Variants in AUTS2 observed in about 807,000 individuals in gnomAD.
AUTS2 encodes activator of transcription and developmental regulator AUTS2.
In AUTS2, 17 loss-of-function variants were observed where a neutral mutation model predicts 112.4. The ratio of observed to expected loss-of-function variants is 0.15; its 90% CI spans 0.10 to 0.23. The LOEUF (loss-of-function observed/expected upper bound fraction) is 0.23, where lower values mean the gene tolerates loss of function less well. Among genes scored for constraint, AUTS2 ranks in the 10% least tolerant of loss-of-function variants. The pLI is 1.00. For synonymous variants in AUTS2, 751 were observed against 702.7 expected (o/e 1.07, Z -1.09); for missense variants, 1,510 against 1,701.6 (o/e 0.89, Z 1.98).
Position 70,433,526 on chromosome 7 carries a change from G to A in AUTS2, c.661-2226G>A, listed in dbSNP as rs554137807. Among the ~76,000 whole-genome samples the A allele has an allele frequency of 5.3e-5, 8 of 152,222 alleles. No homozygotes were observed. In the East Asian group the frequency reaches 1.4e-3, roughly 26 times the overall value. ...ACAGTATTGTTCCTCATCCACCTGCGGTTCTAGGCCTTCAAAGTCTTCATC... is the reference window on the plus strand; with the variant it reads ...ACAGTATTGTTCCTCATCCACCTGCAGTTCTAGGCCTTCAAAGTCTTCATC... On this transcript the variant is annotated intron_variant, in intron 4 of 18. Coordinates refer to ENST00000342771, the MANE Select transcript of AUTS2 (RefSeq NM_015570.4).
At chr7:70,527,540 G>A (rs559310789) in intron 5 of AUTS2, among the ~76,000 whole-genome samples, 4 of 152,082 alleles carry the variant, frequency 2.6e-5, no homozygotes, top group African/African-American at 2.4e-5. Context: ...AAAAGGAGCC[G>A]TACTTCACCC....
chr7:69,798,658 A>G (rs538202990), intron 1 of AUTS2, among the ~76,000 whole-genome samples: 1 of 152,306 alleles, frequency 6.6e-6, no homozygotes, highest in Non-Finnish European at 1.5e-5. Flanking sequence ...GATATAAATT[A>G]TTATTGGTAT....
chr7:69,711,764 A>T (rs1198768649), intron 1 of AUTS2, among the ~76,000 whole-genome samples: 1 of 152,214 alleles, frequency 6.6e-6, no homozygotes, highest in Admixed American at 6.5e-5. Context: ...AACAAAATAA[A>T]ACCAGTCTTT....
At chr7:70,083,164 G>A (rs1308464704) in intron 2 of AUTS2, among the ~76,000 whole-genome samples, 1 of 152,098 alleles carries the variant, frequency 6.6e-6, no homozygotes, top group Non-Finnish European at 1.5e-5. Flanking sequence ...CTTTGTGGAT[G>A]ATTTTATATG....
chr7:69,953,352 C>T (rs1416280858), intron 2 of AUTS2, among the ~76,000 whole-genome samples: 3 of 152,140 alleles, frequency 2.0e-5, no homozygotes, highest in South Asian at 4.1e-4. Context: ...TGGAAATCCA[C>T]GTTTCTGAAT....
At chr7:70,311,587 C>T (rs908722149) in intron 4 of AUTS2, among the ~76,000 whole-genome samples, 6 of 152,114 alleles carry the variant, frequency 3.9e-5, no homozygotes, top group South Asian at 2.1e-4. Flanking sequence ...GTTACAGTCT[C>T]GTTCTGTCAC....
chr7:70,483,026 C>T (rs1242170785), intron 5 of AUTS2, among the ~76,000 whole-genome samples: 1 of 152,064 alleles, frequency 6.6e-6, no homozygotes, highest in East Asian at 1.9e-4. Flanking sequence ...ATCTGCATGG[C>T]CCCTTCTTTG....
intron 5 of AUTS2, among the ~76,000 whole-genome samples, chr7:70,608,631 A>G (rs1043497696): frequency 6.6e-6 from 1 of 152,222 alleles, no homozygotes; most frequent in Non-Finnish European, 1.5e-5. Context: ...TGATGAAAGG[A>G]AGAAGTGCTT....
intron 1 of AUTS2, among the ~76,000 whole-genome samples, chr7:69,765,113 A>T (rs901394761): frequency 6.6e-6 from 1 of 152,222 alleles, no homozygotes; most frequent in African/African-American, 2.4e-5. Flanking sequence ...GCTTCTGTTT[A>T]GGCCAGTGTT....
intron 4 of AUTS2, among the ~76,000 whole-genome samples, chr7:70,260,082 ATGGC>A (rs1787084727): frequency 6.6e-6 from 1 of 152,032 alleles, no homozygotes; most frequent in Admixed American, 6.6e-5. Context: ...TAGATAATTT[ATGGC>A]CAGGCGCGGT....
At chr7:70,458,126 C>G (rs1229550085) in intron 5 of AUTS2, among the ~76,000 whole-genome samples, 1 of 152,134 alleles carries the variant, frequency 6.6e-6, no homozygotes, top group Non-Finnish European at 1.5e-5. Context: ...TCAGGCCACC[C>G]CTCCTTCTAG....
rs755373797 is a variant in AUTS2, at chr7:69,599,845, C to G, written c.192C>G (p.Ser64=). The change falls in exon 1 of 19, where the codon TCC becomes TCG. Residue 64 remains serine (S), a synonymous_variant. Coordinates refer to ENST00000342771, the MANE Select transcript of AUTS2 (RefSeq NM_015570.4). This position sits in a 1 kb window ranked among gnomAD's most constrained non-coding sequence, Gnocchi z 7.0. ...SDKEDNGKPP[S]SAPSRPRPPR... Reference sequence around the variant, plus strand: ...AGGAAGACAATGGGAAGCCCCCGTCCTCCGCCCCGTCCCGGCCCAGACCCC... The same window carrying G: ...AGGAAGACAATGGGAAGCCCCCGTCGTCCGCCCCGTCCCGGCCCAGACCCC... 3 of 1,612,472 alleles carry G rather than the reference C, an allele frequency of 1.9e-6. No individual in the cohort carries two copies. Among genetic ancestry groups the G allele is most frequent in the Non-Finnish European group, 2.5e-6 (3 of 1,179,564 alleles).
intron 5 of AUTS2, among the ~76,000 whole-genome samples, chr7:70,637,489 A>T (rs971169725): frequency 2.7e-5 from 4 of 150,008 alleles, no homozygotes; most frequent in Non-Finnish European, 5.9e-5. Context: ...TTGTGAATTA[A>T]GAAGTTTTAA....
At chr7:69,930,673 A>C (rs1449955992) in intron 2 of AUTS2, among the ~76,000 whole-genome samples, 1 of 151,924 alleles carries the variant, frequency 6.6e-6, no homozygotes, top group East Asian at 1.9e-4. Flanking sequence ...ACATCATGAA[A>C]TCTCTTTCAG....
chr7:69,745,325 T>C (rs1400090769), intron 1 of AUTS2, among the ~76,000 whole-genome samples: 3 of 152,194 alleles, frequency 2.0e-5, no homozygotes, highest in Non-Finnish European at 4.4e-5. Flanking sequence ...ACTCAGACTA[T>C]TTACCTTTGT....
intron 5 of AUTS2, chr7:70,596,133 G>C (rs1354602004): frequency 6.5e-6 from 1 of 152,780 alleles, no homozygotes; most frequent in African/African-American, 2.4e-5. Flanking sequence ...TTAGGAGACG[G>C]TCATGAGGAG....
At chr7:69,653,530 G>A (rs117267554) in intron 1 of AUTS2, among the ~76,000 whole-genome samples, 2,463 of 152,194 alleles carry the variant, frequency 0.016, 23 homozygotes, top group East Asian at 0.052. Context: ...GTTTCAGAGC[G>A]TAGCAGAGTA....
intron 4 of AUTS2, among the ~76,000 whole-genome samples, chr7:70,267,383 A>G (rs1584951968): frequency 6.6e-6 from 1 of 152,040 alleles, no homozygotes; most frequent in East Asian, 1.9e-4. Context: ...TGCTGACACC[A>G]GATGCAGTCT....
At chr7:70,289,261 C>A (rs1788601454) in intron 4 of AUTS2, among the ~76,000 whole-genome samples, 1 of 152,150 alleles carries the variant, frequency 6.6e-6, no homozygotes, top group Admixed American at 6.5e-5. Flanking sequence ...ACATATGATC[C>A]AAGGAACATC....
Sources: allele counts gnomAD v4.1 joint callset (sites outside exome capture counted in the v4.1 genomes callset), GRCh38; gene constraint gnomAD v4.1.1; non-coding constraint Gnocchi (gnomAD v3.1); transcripts MANE v1.5; gene names NCBI Gene and HGNC (gene_info 2026-07-23, HGNC 2026-07-21).